PTPRK: variants seen among roughly 807,000 people sequenced by gnomAD.
The protein encoded by PTPRK is protein tyrosine phosphatase receptor type K.
A neutral mutation model predicts 178.0 loss-of-function variants in PTPRK; 75 were observed. The observed-to-expected ratio is 0.42, with a 90% CI of 0.35 to 0.51. The LOEUF is 0.51. PTPRK is among the 20% of genes least tolerant of loss of function. The pLI is 0.02. For missense variants in PTPRK, 1,441 were observed against 1,797.8 expected (o/e 0.80, Z 3.59); for synonymous variants, 637 against 620.6 (o/e 1.03, Z -0.39).
intron 14 of PTPRK, chr6:128,006,136 GA>G: frequency 1.1e-6 from 1 of 930,214 alleles, no homozygotes; most frequent in African/African-American, 1.7e-5. Context: ...CAATAAAGCA[GA>G]AAAATGTGCG....
At chr6:127,976,575 T>C in intron 27 of PTPRK, 82 bp downstream of exon 27, 1 of 1,513,298 alleles carries the variant, frequency 6.6e-7, no homozygotes, top group Non-Finnish European at 9.1e-7. Context: ...GTAGTCTCCC[T>C]GTTGTCTGAA....
At position 127,983,296 on chromosome 6, in the gene PTPRK, A is replaced by C. The variant is rs1174614289; in HGVS notation, c.3333T>G (p.Ile1111Met). Reference sequence around the variant, plus strand: ...ATCTTAAGGCTTTGACACAATTGTAAATATCAACAACACCCTCTCTTTCAG... The same window carrying C: ...ATCTTAAGGCTTTGACACAATTGTACATATCAACAACACCCTCTCTTTCAG... ...DMAEREGVVDIYNCVKALRSR... is the reference protein window; with the variant it reads ...DMAEREGVVDMYNCVKALRSR... The change falls in exon 23 of 30, where the codon ATT becomes ATG. Residue 1111 changes from isoleucine (I) to methionine (M), a missense_variant. Around this residue, in one of 4 missense-constraint regions of PTPRK, gnomAD observed 335 missense variants for 512.4 expected, o/e 0.65. Transcript: ENST00000368226. 1 of 1,613,706 alleles carries C rather than the reference A, an allele frequency of 6.2e-7. No individual in the cohort carries two copies. The highest frequency in any genetic ancestry group is 1.7e-5 in the Admixed American group (1 of 60,014).
chr6:128,287,635 A>T (rs1322959603), intron 3 of PTPRK, among the ~76,000 whole-genome samples: 1 of 152,138 alleles, frequency 6.6e-6, no homozygotes, highest in Non-Finnish European at 1.5e-5. Flanking sequence ...AAATCATCAA[A>T]ACTAGACACC....
intron 28 of PTPRK, 75 bp downstream of exon 28, chr6:127,973,589 G>A: frequency 6.5e-7 from 1 of 1,544,644 alleles, no homozygotes. Flanking sequence ...ATGCAAGCCA[G>A]ATAGTCTTTA....
At position 128,519,821 on chromosome 6, in the gene PTPRK, A is replaced by G. The variant is rs1858738879; in HGVS notation, c.100+438T>C. Reference sequence around the variant, plus strand: ...AAAAAGCACCTGGCAAAGCGCGCCGAGGTCAGTCCCTTCGAATCTCCACAT... The same window carrying G: ...AAAAAGCACCTGGCAAAGCGCGCCGGGGTCAGTCCCTTCGAATCTCCACAT... On this transcript the variant is annotated intron_variant, in intron 1 of 29. Transcript: ENST00000368226. The surrounding 1 kb of genome is among the most constrained non-coding windows in gnomAD (Gnocchi z 4.3). 6.6e-6 allele frequency among the ~76,000 whole-genome samples: 1 copy of G among 152,186 alleles called. No individual in the cohort carries two copies. The highest frequency in any genetic ancestry group is 2.4e-5 in the African/African-American group (1 of 41,442).
At chr6:128,044,622 C>T (rs908607621) in intron 13 of PTPRK, among the ~76,000 whole-genome samples, 8 of 142,186 alleles carry the variant, frequency 5.6e-5, no homozygotes, top group African/African-American at 2.1e-4. Flanking sequence ...TTGGTAAGCT[C>T]TTCTGGCAAC....
chr6:128,136,568 C>T (rs560272654), intron 7 of PTPRK, among the ~76,000 whole-genome samples: 1 of 152,250 alleles, frequency 6.6e-6, no homozygotes, highest in East Asian at 1.9e-4. Context: ...GTTGCCTTCT[C>T]ATGTGAAGAC....
chr6:128,478,390 CTTTTA>C (rs1851641178), intron 1 of PTPRK, among the ~76,000 whole-genome samples: 1 of 152,090 alleles, frequency 6.6e-6, no homozygotes. Flanking sequence ...CTGCTTGGTA[CTTTTA>C]TTTGATGTGC....
intron 21 of PTPRK, among the ~76,000 whole-genome samples, chr6:127,987,679 C>T (rs932338366): frequency 6.6e-6 from 1 of 152,036 alleles, no homozygotes; most frequent in Non-Finnish European, 1.5e-5. Context: ...AGTAGTTACA[C>T]AGTTTATTCC....
At chr6:128,073,214 T>A (rs1783152427) in intron 11 of PTPRK, among the ~76,000 whole-genome samples, 1 of 152,198 alleles carries the variant, frequency 6.6e-6, no homozygotes, top group East Asian at 1.9e-4. Context: ...CTGTTACATA[T>A]CATGAATTAT....
intron 3 of PTPRK, among the ~76,000 whole-genome samples, chr6:128,310,270 T>C (rs1020181650): frequency 2.0e-5 from 3 of 152,160 alleles, no homozygotes; most frequent in African/African-American, 7.2e-5. Context: ...GTGAGAGGAT[T>C]GTTTCTGTAA....
Position 128,466,164 on chromosome 6 carries a change from T to C in PTPRK, c.100+54095A>G, listed in dbSNP as rs578012343. Among the ~76,000 whole-genome samples the C allele has an allele frequency of 2.0e-5, 3 of 152,296 alleles. 1 individual carries two copies. In the South Asian group the frequency reaches 6.2e-4, roughly 32 times the overall value. On this transcript the variant is annotated intron_variant, in intron 1 of 29. Transcript: ENST00000368226. The stretch of plus-strand genomic sequence containing the variant: ...TACTAAATGTTTTTTTCCTGAATGT[T>C]TTCTTGTAGCAACTACTGTCAGTTT...
chr6:127,993,212 T>C (rs1176725378), intron 18 of PTPRK, among the ~76,000 whole-genome samples: 1 of 151,736 alleles, frequency 6.6e-6, no homozygotes, highest in Non-Finnish European at 1.5e-5. Flanking sequence ...TAGAGAATAT[T>C]CCTGTTCTAC....
chr6:128,249,579 A>G (rs1816107730), intron 3 of PTPRK, among the ~76,000 whole-genome samples: 1 of 152,156 alleles, frequency 6.6e-6, no homozygotes, highest in Non-Finnish European at 1.5e-5. Context: ...ACATATGCAT[A>G]AAGTTAGAAC....
chr6:128,316,600 A>G (rs1828021500), intron 3 of PTPRK, among the ~76,000 whole-genome samples: 3 of 152,200 alleles, frequency 2.0e-5, no homozygotes, highest in South Asian at 2.1e-4. Flanking sequence ...AGTTTCATCA[A>G]TGAATCAACA....
intron 3 of PTPRK, chr6:128,321,371 A>G (rs772037888): frequency 5.2e-5 from 9 of 173,858 alleles, no homozygotes; most frequent in Non-Finnish European, 1.1e-4. Flanking sequence ...TGTTAAGAGC[A>G]TATAAACTCA....
chr6:128,268,093 T>C (rs1311910661), intron 3 of PTPRK, among the ~76,000 whole-genome samples: 2 of 151,962 alleles, frequency 1.3e-5, no homozygotes, highest in African/African-American at 2.4e-5. Context: ...AGGAATGGGA[T>C]AGTGGCGGTG....
intron 3 of PTPRK, among the ~76,000 whole-genome samples, chr6:128,253,826 T>C (rs1816864115): frequency 6.6e-6 from 1 of 152,194 alleles, no homozygotes; most frequent in South Asian, 2.1e-4. Flanking sequence ...ACTAAATATC[T>C]ATTAACAGAT....
At chr6:128,407,864 T>C (rs1841875743) in intron 1 of PTPRK, among the ~76,000 whole-genome samples, 1 of 151,988 alleles carries the variant, frequency 6.6e-6, no homozygotes, top group Admixed American at 6.6e-5. Context: ...ATTTCAAGTA[T>C]GGGGGAAGAA....
Sources: allele counts gnomAD v4.1 joint callset (sites outside exome capture counted in the v4.1 genomes callset), GRCh38; gene constraint gnomAD v4.1.1; regional missense constraint gnomAD v4.1.1; non-coding constraint Gnocchi (gnomAD v3.1); transcripts MANE v1.5; gene names NCBI Gene and HGNC (gene_info 2026-07-23, HGNC 2026-07-21).